Variants in DACH1 observed in about 807,000 individuals in gnomAD.
The protein encoded by DACH1 is dachshund family transcription factor 1, also known as dachshund homolog 1.
A neutral mutation model predicts 54.2 loss-of-function variants in DACH1; 12 were observed. That is an observed-to-expected ratio of 0.22 (90% CI 0.14 to 0.36). DACH1 has a LOEUF of 0.36. Among genes scored for constraint, DACH1 ranks in the 10% least tolerant of loss-of-function variants. The probability of loss-of-function intolerance (pLI) is 1.00; values close to 1 mark genes in which losing one functional copy is unlikely to be tolerated. For synonymous variants in DACH1, 386 were observed against 366.2 expected, an observed-to-expected ratio of 1.05 and a Z score of -0.62; for missense variants, 805 against 929.8, an observed-to-expected ratio of 0.87 and a Z score of 1.75.
chr13:71,765,884 ATTTTTTT>A (rs10610275), intron 1 of DACH1, among the ~76,000 whole-genome samples: 2 of 103,926 alleles, frequency 1.9e-5, no homozygotes, highest in African/African-American at 7.2e-5. Context: ...CTTCTTCTTC[ATTTTTTT>A]TTTTTTTTTT....
At chr13:71,612,082 G>T (rs1315816149) in intron 3 of DACH1, among the ~76,000 whole-genome samples, 1 of 152,034 alleles carries the variant, frequency 6.6e-6, no homozygotes, top group Non-Finnish European at 1.5e-5. Context: ...TTGGGCAAGG[G>T]TAAGAACATG....
chr13:71,485,534 T>G (rs1193075820), intron 7 of DACH1, among the ~76,000 whole-genome samples: 2 of 148,924 alleles, frequency 1.3e-5, no homozygotes, highest in African/African-American at 4.9e-5. Context: ...ACAGGTCTTT[T>G]TTTTTCTTTT....
chr13:71,661,868 G>A (rs571277553), intron 2 of DACH1, among the ~76,000 whole-genome samples: 141 of 151,986 alleles, frequency 9.3e-4, no homozygotes, highest in Non-Finnish European at 1.4e-3. Context: ...ACAGTCACTC[G>A]TTCAGTCCTG....
In DACH1 at chr13:71,489,066, T is replaced by C. The variant is rs1051192369; in HGVS notation, c.1653A>G (p.Pro551=). Residue 551 remains proline (P), a synonymous_variant, in exon 7 of 11, where the codon CCA becomes CCG. Transcript: ENST00000613252. ...GAAACAGAAAAGGAGATGGAAAACCTGGAGGCAGTGGTTGTCCATGCCCAG... is the reference window on the plus strand; with the variant it reads ...GAAACAGAAAAGGAGATGGAAAACCCGGAGGCAGTGGTTGTCCATGCCCAG... ...SLTGHGQPLP[P]GFPSPFLFPD... is the part of the protein sequence containing the mutation. The C allele has an allele frequency of 1.2e-6, 2 of 1,613,696 alleles. No individual in the cohort carries two copies. The highest frequency in any genetic ancestry group is 2.7e-5 in the African/African-American group (2 of 74,868).
chr13:71,594,963 G>T (rs928575854), intron 3 of DACH1, among the ~76,000 whole-genome samples: 2 of 152,138 alleles, frequency 1.3e-5, no homozygotes, highest in South Asian at 2.1e-4. Flanking sequence ...ATATCAGATT[G>T]TGTTAAGGGC....
intron 1 of DACH1, among the ~76,000 whole-genome samples, chr13:71,854,899 GATAAGT>G (rs1417067872): frequency 6.6e-6 from 1 of 152,034 alleles, no homozygotes; most frequent in African/African-American, 2.4e-5. Flanking sequence ...TCATTCAAAT[GATAAGT>G]ATAAGGCCAA....
intron 1 of DACH1, among the ~76,000 whole-genome samples, chr13:71,805,875 T>A (rs1274882217): frequency 1.3e-5 from 2 of 152,116 alleles, no homozygotes; most frequent in Non-Finnish European, 2.9e-5. Context: ...TGGCATGATC[T>A]CATCTCACTG....
intron 1 of DACH1, among the ~76,000 whole-genome samples, chr13:71,776,249 G>A (rs373542852): frequency 2.6e-5 from 4 of 152,002 alleles, no homozygotes; most frequent in Non-Finnish European, 5.9e-5. Flanking sequence ...CACAACCAAG[G>A]TTGGCAACAC....
At chr13:71,852,494 T>C (rs1873739647) in intron 1 of DACH1, among the ~76,000 whole-genome samples, 1 of 152,160 alleles carries the variant, frequency 6.6e-6, no homozygotes, top group Non-Finnish European at 1.5e-5. Flanking sequence ...GAAAATACTG[T>C]CCTGGTATAC....
At chr13:71,562,091 T>C (rs1884620127) in intron 4 of DACH1, among the ~76,000 whole-genome samples, 1 of 152,170 alleles carries the variant, frequency 6.6e-6, no homozygotes, top group African/African-American at 2.4e-5. Context: ...TGATAACTTG[T>C]TGAACTTTAA....
rs567832702 is a variant in DACH1 at position 71,834,670 on chromosome 13, G to C, written c.848+31252C>G. On this transcript the variant is annotated intron_variant, in intron 1 of 10. Transcript: ENST00000613252. ...CAATTCTCTCATTTTATAAAGGGTG[G>C]ACCCACCTTAACATTTAAGTGGCAT... Among the ~76,000 whole-genome samples, 4 of 151,314 alleles carry C rather than the reference G, an allele frequency of 2.6e-5. No homozygotes were observed. In the East Asian group the frequency reaches 7.7e-4, roughly 29 times the overall value.
At chr13:71,640,137 A>G (rs1023814007) in intron 2 of DACH1, among the ~76,000 whole-genome samples, 3 of 152,022 alleles carry the variant, frequency 2.0e-5, no homozygotes, top group Non-Finnish European at 2.9e-5. Flanking sequence ...GGATTCTATG[A>G]GTAAATATAA....
intron 4 of DACH1, among the ~76,000 whole-genome samples, chr13:71,566,981 G>A (rs1884929035): frequency 6.6e-6 from 1 of 152,042 alleles, no homozygotes; most frequent in South Asian, 2.1e-4. Context: ...TCTGGTTGTA[G>A]TTTTTATAAT....
chr13:71,521,272 C>T (rs1881578714), intron 6 of DACH1, among the ~76,000 whole-genome samples: 1 of 151,936 alleles, frequency 6.6e-6, no homozygotes, highest in Non-Finnish European at 1.5e-5. Context: ...TCTATTAATA[C>T]TATACCTTTT....
intron 2 of DACH1, among the ~76,000 whole-genome samples, chr13:71,641,630 G>A (rs1465301730): frequency 8.5e-5 from 13 of 152,154 alleles, no homozygotes; most frequent in Admixed American, 8.5e-4. Context: ...ATAGTGCCAT[G>A]TGATAAGGAA....
At chr13:71,619,993 G>T (rs1876101130) in intron 3 of DACH1, among the ~76,000 whole-genome samples, 1 of 151,926 alleles carries the variant, frequency 6.6e-6, no homozygotes, top group African/African-American at 2.4e-5. Context: ...ATGTGCCTGT[G>T]TGTGTTTTTA....
intron 2 of DACH1, among the ~76,000 whole-genome samples, chr13:71,639,082 C>T (rs1014423093): frequency 3.9e-5 from 6 of 152,160 alleles, no homozygotes; most frequent in Non-Finnish European, 5.9e-5. Flanking sequence ...CTTAGAAGAA[C>T]TCTTGGCTCA....
At chr13:71,772,138 A>C in intron 1 of DACH1, among the ~76,000 whole-genome samples, 1 of 151,612 alleles carries the variant, frequency 6.6e-6, no homozygotes, top group East Asian at 1.9e-4. Context: ...CCTCTACAGT[A>C]TACTTGCCCC....
intron 3 of DACH1, among the ~76,000 whole-genome samples, chr13:71,602,664 G>A (rs1475275826): frequency 1.3e-5 from 2 of 151,880 alleles, no homozygotes; most frequent in African/African-American, 4.8e-5. Flanking sequence ...GAGCAGAGTC[G>A]TCAAAAACAA....
Sources: gnomAD v4.1 joint callset for allele counts (sites outside exome capture counted in the v4.1 genomes callset) on GRCh38, gnomAD v4.1.1 for gene constraint, MANE v1.5 for transcripts, NCBI Gene and HGNC (gene_info 2026-07-23, HGNC 2026-07-21) for gene names.